The following AHNAK2 variants were observed in gnomAD, a reference collection of about 807,000 sequenced individuals.
AHNAK2 encodes the protein AHNAK nucleoprotein 2, also known as protein AHNAK2.
AHNAK2 carries 18 observed loss-of-function variants against 30.7 expected under a neutral mutation model. The observed-to-expected ratio is 0.59, with a 90% CI of 0.41 to 0.87. The LOEUF is 0.87. Ranked by LOEUF, AHNAK2 falls within the 40% of genes least tolerant of loss-of-function variation. The pLI, the probability that AHNAK2 is intolerant of heterozygous loss-of-function variation, is 0.00. For missense variants in AHNAK2, 8,604 were observed against 7,373.0 expected (o/e 1.17, Z -6.11); for synonymous variants, 3,590 against 3,073.8 (o/e 1.17, Z -5.56).
chr14:104,939,749 C>G lies in AHNAK2; in HGVS notation c.15702G>C (p.Glu5234Asp). ...CCACGTTTGACCCAGAAACAAGGAACTCTTTGACTTTAGCTGCTGCTTCAC... is the reference window on the plus strand; with the variant it reads ...CCACGTTTGACCCAGAAACAAGGAAGTCTTTGACTTTAGCTGCTGCTTCAC... ...TGGEAAAKVKEFLVSGSNVEA... is the reference protein window; with the variant it reads ...TGGEAAAKVKDFLVSGSNVEA... The change falls in exon 7 of 7, where the codon GAG becomes GAC. Residue 5234 changes from glutamate to aspartate, a missense_variant. By Grantham distance (45) the Glu-to-Asp change is conservative. Transcript: ENST00000333244. 1 of 1,613,888 alleles carries G rather than the reference C, an allele frequency of 6.2e-7. No homozygotes were observed. Among genetic ancestry groups the G allele is most frequent in the African/African-American group, 1.3e-5 (1 of 75,048 alleles).
chr14:104,946,045 C>A lies in AHNAK2; in HGVS notation c.9406G>T (p.Val3136Leu). 6.2e-7 allele frequency: 1 copy of A among 1,604,064 alleles called. No homozygotes were observed. The highest frequency in any genetic ancestry group is 1.7e-5 in the Admixed American group (1 of 58,926). Reference sequence around the variant, plus strand: ...TTGAACTTGCTGTCTTTGGCAGTCACATCCTTGTCGGCCAGGGACAGGTCC... The same window carrying A: ...TTGAACTTGCTGTCTTTGGCAGTCAAATCCTTGTCGGCCAGGGACAGGTCC... ...EGDLSLADKD[V>L]TAKDSKFKMP... is the part of the protein sequence containing the mutation. The change falls in exon 7 of 7, where the codon GTG (valine) becomes TTG (leucine). Residue 3136 changes from valine (V) to leucine (L), a missense_variant. Physicochemically the swap from Val to Leu is conservative, Grantham distance 32. Transcript: ENST00000333244.
chr14:104,976,505 C>T (rs1201281156), intron 1 of AHNAK2, among the ~76,000 whole-genome samples: 1 of 152,152 alleles, frequency 6.6e-6, no homozygotes, highest in Admixed American at 6.5e-5. Flanking sequence ...CAGGAATGCA[C>T]GTTCCTGGGC....
rs116435297 is a variant in AHNAK2 at position 104,962,421 on chromosome 14, T to C, written c.56-4749A>G. Reference sequence around the variant, plus strand: ...CTTACATGGCCAATTCATTCTTGTTTGTTGGTTGGTTGGTTTTGTTTTGAG... The same window carrying C: ...CTTACATGGCCAATTCATTCTTGTTCGTTGGTTGGTTGGTTTTGTTTTGAG... On this transcript the variant is annotated intron_variant, in intron 1 of 6. Coordinates refer to ENST00000333244, the MANE Select transcript of AHNAK2 (RefSeq NM_138420.4). 4.7e-3 allele frequency among the ~76,000 whole-genome samples: 714 copies of C among 152,292 alleles called. 9 individuals are homozygous for C. The highest frequency in any genetic ancestry group is 0.016 in the African/African-American group (677 of 41,564).
In AHNAK2 at chr14:104,941,322, G is replaced by C. The variant is rs778242718; in HGVS notation, c.14129C>G (p.Ser4710Ter). ...TTTAGGAGTTTTGGTAGAAGAAAAT[G>C]AAACTTTGGGCACTTTAAAATGCAG... is the stretch of plus-strand genomic sequence containing the variant. Reference protein sequence around the residue: ...KKLHFKVPKVSFSSTKTPKDS... With the variant: ...KKLHFKVPKV Residue 4710 changes from serine (S) to a stop codon, truncating the protein, a stop_gained, in exon 7 of 7, where the codon TCA becomes TGA. Transcript: ENST00000333244. LOFTEE classifies it low-confidence loss of function (END_TRUNC). 3.1e-6 allele frequency: 5 copies of C among 1,613,442 alleles called. No homozygotes were observed. The African/African-American group carries it at 4.0e-5, about 13-fold the overall frequency.
Position 104,947,349 on chromosome 14 carries a change from G to C in AHNAK2, c.8102C>G (p.Pro2701Arg), listed in dbSNP as rs377249696. The stretch of plus-strand genomic sequence containing the variant: ...AGCCTGGACCTCCAGTTGGGCAGAG[G>C]GGGGCTGAATGCTGATGTCAGTGGT... ...LKTTDISIQP[P>R]SAQLEVQAGQ... The change falls in exon 7 of 7, where the codon CCC (proline) becomes CGC (arginine). Residue 2701 changes from proline (P) to arginine (R), a missense_variant. Pro to Arg is a moderately radical substitution (Grantham distance 103). Transcript: ENST00000333244. 1.1e-5 allele frequency: 18 copies of C among 1,612,406 alleles called. No individual in the cohort carries two copies. The highest frequency in any genetic ancestry group is 1.6e-4 in the Middle Eastern group (1 of 6,074).
At position 104,949,094 on chromosome 14, in the gene AHNAK2, C is replaced by G. The variant is rs199873247; in HGVS notation, c.6357G>C (p.Met2119Ile). ...VPDVEVSLPSMEVDVQAPRAK... is the reference protein window; with the variant it reads ...VPDVEVSLPSIEVDVQAPRAK... ...CTCTTGGGGCCTGGACGTCCACCTC[C>G]ATGCTGGGCAGAGACACCTCGACAT... is the stretch of plus-strand genomic sequence containing the variant. The change falls in exon 7 of 7, where the codon ATG (methionine) becomes ATC (isoleucine). Residue 2119 changes from methionine to isoleucine, a missense_variant. Transcript: ENST00000333244. The G allele has an allele frequency of 8.3e-4, 846 of 1,017,566 alleles. 22 individuals are homozygous for G. Among genetic ancestry groups the G allele is most frequent in the East Asian group, 4.0e-3 (165 of 41,148 alleles). The allele number at this position is 1,017,566 out of a possible 1,614,324, so 63.0% of individuals were successfully genotyped here. A position where few individuals can be genotyped will look rare whatever the true frequency, so the allele number is the denominator to read the frequency against.
rs754650051 is a variant in AHNAK2 at position 104,948,357 on chromosome 14, T to G, written c.7094A>C (p.Asp2365Ala). The G allele has an allele frequency of 4.3e-6, 7 of 1,612,378 alleles. No homozygotes were observed. In the Middle Eastern group the frequency reaches 4.9e-4, roughly 114 times the overall value. ...PSMQGDLKTT[D>A]LSVQPPSADL... ...AGCGGAAGGGGGCTGAACGCTGAGG[T>G]CAGTGGTCTTGAGGTCCCCCTGCAT... Residue 2365 changes from aspartate (D) to alanine (A), a missense_variant, in exon 7 of 7, where the codon GAC (aspartate) becomes GCC (alanine). Physicochemically the swap from Asp to Ala is moderately radical, Grantham distance 126. Transcript: ENST00000333244.
rs1283377943 is a variant in AHNAK2 at position 104,944,781 on chromosome 14, G to C, written c.10670C>G (p.Pro3557Arg). ...PEGAGLKGHL[P>R]KVEMPSLKTP... is the part of the protein sequence containing the mutation. Reference sequence around the variant, plus strand: ...CTTTAAACTGGGCATCTCCACTTTGGGCAGGTGCCCTTTGAGGCCGGCTCC... The same window carrying C: ...CTTTAAACTGGGCATCTCCACTTTGCGCAGGTGCCCTTTGAGGCCGGCTCC... The change falls in exon 7 of 7, where the codon CCC (proline) becomes CGC (arginine). Residue 3557 changes from proline to arginine, a missense_variant. Transcript: ENST00000333244. 6.2e-7 allele frequency: 1 copy of C among 1,612,760 alleles called. No homozygotes were observed. The highest frequency in any genetic ancestry group is 1.1e-5 in the South Asian group (1 of 91,036).
Position 104,946,173 on chromosome 14 carries a change from G to T in AHNAK2, c.9278C>A (p.Pro3093Gln). 6.2e-7 allele frequency: 1 copy of T among 1,611,092 alleles called. No individual in the cohort carries two copies. The highest frequency in any genetic ancestry group is 1.1e-5 in the South Asian group (1 of 90,898). Residue 3093 changes from proline to glutamine, a missense_variant, in exon 7 of 7, where the codon CCG (proline) becomes CAG (glutamine). Physicochemically the swap from Pro to Gln is moderately conservative, Grantham distance 76. Coordinates refer to ENST00000333244, the MANE Select transcript of AHNAK2 (RefSeq NM_138420.4). ...GTCGGGGGCCGTCACGTCCGTCTTC[G>T]GGCCTTTCAGGTCCAGCTTGGGGCC... is the stretch of plus-strand genomic sequence containing the variant. ...VKGPKLDLKG[P>Q]KTDVTAPDVE...
chr14:104,977,546 C>G (rs1011181721), intron 1 of AHNAK2, among the ~76,000 whole-genome samples: 3 of 152,206 alleles, frequency 2.0e-5, no homozygotes, highest in African/African-American at 7.2e-5. Context: ...TCACCAGGCC[C>G]CAGACCTCAG....
At chr14:104,970,580 C>G (rs1003783785) in intron 1 of AHNAK2, 73 of 959,078 alleles carry the variant, frequency 7.6e-5, no homozygotes, top group Admixed American at 2.5e-4. Flanking sequence ...TCTGCCTGCT[C>G]CTAGGGCTGG....
chr14:104,951,272 G>A lies in AHNAK2; in HGVS notation c.4179C>T (p.Asp1393=), dbSNP rs765824373. 492 of 1,060,580 alleles carry A rather than the reference G, an allele frequency of 4.6e-4. 187 individuals are homozygous for A. Among genetic ancestry groups the A allele is most frequent in the South Asian group, 5.6e-4 (35 of 62,196 alleles). The allele number at this position is 1,060,580 out of a possible 1,614,324, so 65.7% of individuals were successfully genotyped here. ...GCACGGGGCCCTCTGGGAGTTTCACGTCCAATTGGCCAGCCTGGAGCTCCA... is the reference window on the plus strand; with the variant it reads ...GCACGGGGCCCTCTGGGAGTTTCACATCCAATTGGCCAGCCTGGAGCTCCA... The part of the protein sequence containing the change: ...TDLELQAGQL[D]VKLPEGPVPE... The change falls in exon 7 of 7, where the codon GAC becomes GAT. Residue 1393 remains aspartate, a synonymous_variant. Coordinates refer to ENST00000333244, the MANE Select transcript of AHNAK2 (RefSeq NM_138420.4).
At chr14:104,974,964 C>T (rs1268411412) in intron 1 of AHNAK2, among the ~76,000 whole-genome samples, 1 of 152,232 alleles carries the variant, frequency 6.6e-6, no homozygotes, top group Admixed American at 6.5e-5. Flanking sequence ...ACACAGAGGC[C>T]TTCCGCATAG....
Position 104,950,601 on chromosome 14 carries a change from A to G in AHNAK2, c.4850T>C (p.Val1617Ala). 6.3e-7 allele frequency: 1 copy of G among 1,586,284 alleles called. No homozygotes were observed. The highest frequency in any genetic ancestry group is 8.6e-7 in the Non-Finnish European group (1 of 1,162,552). The part of the protein sequence containing the change: ...GPKVEVTAPD[V>A]KMSLSSMEVD... ...CTCCATGCTGGACAGAGACATCTTC[A>G]CATCGGGGGCTGTCACTTCCACCTT... Residue 1617 changes from valine (V) to alanine (A), a missense_variant, in exon 7 of 7, where the codon GTG (valine) becomes GCG (alanine). Transcript: ENST00000333244.
Position 104,942,993 on chromosome 14 carries a change from T to G in AHNAK2, c.12458A>C (p.Glu4153Ala). 6.2e-7 allele frequency: 1 copy of G among 1,613,168 alleles called. No individual in the cohort carries two copies. The highest frequency in any genetic ancestry group is 2.2e-5 in the East Asian group (1 of 44,792). ...FGVSAPGKSM[E>A]ASVDVSELKA... The stretch of plus-strand genomic sequence containing the variant: ...CAGCTCAGACACATCCACGGACGCC[T>G]CCATGGACTTGCCTGGGGCCGACAC... The change falls in exon 7 of 7, where the codon GAG becomes GCG. Residue 4153 changes from glutamate to alanine, a missense_variant. Coordinates refer to ENST00000333244, the MANE Select transcript of AHNAK2 (RefSeq NM_138420.4).
chr14:104,967,892 C>T (rs1899349246), intron 1 of AHNAK2, among the ~76,000 whole-genome samples: 1 of 152,186 alleles, frequency 6.6e-6, no homozygotes, highest in Non-Finnish European at 1.5e-5. Flanking sequence ...CCTCCCAGGC[C>T]CGAGCTCCTG....
In AHNAK2 at chr14:104,941,862, T is replaced by C; in HGVS notation, c.13589A>G (p.Lys4530Arg). The change falls in exon 7 of 7, where the codon AAA becomes AGA. Residue 4530 changes from lysine to arginine, a missense_variant. By Grantham distance (26) the Lys-to-Arg change is conservative. Transcript: ENST00000333244. ...LEVQAGQVDL[K>R]LPEGHMPEVA... ...CTCGGGCATGTGGCCTTCTGGAAGT[T>C]TCAAGTCCACCTGGCCAGCCTGGAC... The C allele has an allele frequency of 6.2e-7, 1 of 1,613,222 alleles. No homozygotes were observed. Among genetic ancestry groups the C allele is most frequent in the South Asian group, 1.1e-5 (1 of 91,030 alleles).
chr14:104,945,181 T>G lies in AHNAK2; in HGVS notation c.10270A>C (p.Lys3424Gln), dbSNP rs1417452462. ...KGPKLDLKVP[K>Q]AEVTVPDVEV... ...ACATCAGGGACTGTCACTTCCGCCT[T>G]GGGGACTTTTAGGTCCAGCTTGGGG... Residue 3424 changes from lysine (K) to glutamine (Q), a missense_variant, in exon 7 of 7, where the codon AAG becomes CAG. Physicochemically the swap from Lys to Gln is moderately conservative, Grantham distance 53. Transcript: ENST00000333244. The G allele has an allele frequency of 6.2e-7, 1 of 1,613,286 alleles. No homozygotes were observed.
Position 104,946,895 on chromosome 14 carries a change from C to T in AHNAK2, c.8556G>A (p.Met2852Ile). 6.2e-7 allele frequency: 1 copy of T among 1,612,620 alleles called. No individual in the cohort carries two copies. The highest frequency in any genetic ancestry group is 8.5e-7 in the Non-Finnish European group (1 of 1,179,686). Residue 2852 changes from methionine (M) to isoleucine (I), a missense_variant, in exon 7 of 7, where the codon ATG becomes ATA. Met to Ile is a conservative substitution (Grantham distance 10). Coordinates refer to ENST00000333244, the MANE Select transcript of AHNAK2 (RefSeq NM_138420.4). ...TGTCAGTGGTCTTAAGATCCCCTTG[C>T]ATGGAGGGGAAGCTCCCGTCAGCTT... Reference protein sequence around the residue: ...KVEADGSFPSMQGDLKTTDIR... With the variant: ...KVEADGSFPSIQGDLKTTDIR...
Sources: allele counts gnomAD v4.1 joint callset (sites outside exome capture counted in the v4.1 genomes callset), GRCh38; gene constraint gnomAD v4.1.1; transcripts MANE v1.5; gene names NCBI Gene and HGNC (gene_info 2026-07-23, HGNC 2026-07-21).